NLRP8: variants seen among roughly 807,000 people sequenced by gnomAD.
NLRP8 encodes the protein NLR family pyrin domain containing 8.
NLRP8 carries 86 observed loss-of-function variants against 88.7 expected under a neutral mutation model. The ratio of observed to expected loss-of-function variants is 0.97; its 90% confidence interval spans 0.81 to 1.16. NLRP8 has a LOEUF of 1.16. Ranked by LOEUF, NLRP8 falls within the 50% of genes most tolerant of loss-of-function variation. The pLI is 0.00. For missense variants in NLRP8, 1,342 were observed against 1,286.5 expected, an observed-to-expected ratio of 1.04 and a Z score of -0.66; for synonymous variants, 504 against 494.6, an observed-to-expected ratio of 1.02 and a Z score of -0.25.
intron 3 of NLRP8, 27 bp from the exon 4 acceptor site, chr19:55,962,040 G>C: frequency 6.2e-7 from 1 of 1,606,222 alleles, no homozygotes. Flanking sequence ...ACGAAGAGGT[G>C]TTTTCTCTCT....
intron 3 of NLRP8, among the ~76,000 whole-genome samples, chr19:55,961,417 A>C (rs1214445824): frequency 6.6e-6 from 1 of 152,072 alleles, no homozygotes; most frequent in East Asian, 1.9e-4. Context: ...ATATTTTTTT[A>C]AAAAATAAGA....
In NLRP8 at chr19:55,955,560, A is replaced by T. The variant is rs1979308982; in HGVS notation, c.1502A>T (p.Asp501Val). 1 of 1,614,088 alleles carries T rather than the reference A, an allele frequency of 6.2e-7. No homozygotes were observed. Among genetic ancestry groups the T allele is most frequent in the South Asian group, 1.1e-5 (1 of 91,084 alleles). The change falls in exon 3 of 10, where the codon GAC (aspartate) becomes GTC (valine). Residue 501 changes from aspartate to valine, a missense_variant. Physicochemically the swap from Asp to Val is radical, Grantham distance 152 (BLOSUM62 -3). Transcript: ENST00000291971. ...CTTCGGAGAATTGCAGGTGAGGAAG[A>T]CCACTATGTCTTTACCCTCGTGACT...
intron 4 of NLRP8, 121 bp downstream of exon 4, chr19:55,962,358 G>A: frequency 9.2e-7 from 1 of 1,087,754 alleles, no homozygotes; most frequent in Non-Finnish European, 1.3e-6. Context: ...TCCAGCCTTG[G>A]ACGGAGGTGC....
chr19:55,968,527 G>C (rs980545619), intron 5 of NLRP8, among the ~76,000 whole-genome samples: 2 of 150,030 alleles, frequency 1.3e-5, no homozygotes, highest in African/African-American at 4.9e-5. Flanking sequence ...GATCACCTGA[G>C]GTCAGGAGTT....
chr19:55,950,967 A>G (rs942154454), intron 1 of NLRP8, among the ~76,000 whole-genome samples: 1 of 152,208 alleles, frequency 6.6e-6, no homozygotes, highest in African/African-American at 2.4e-5. Context: ...AGTCCCAGCT[A>G]CTTGGGAAGC....
At chr19:55,968,751 T>TAAATA (rs1019460945) in intron 5 of NLRP8, among the ~76,000 whole-genome samples, 1 of 151,994 alleles carries the variant, frequency 6.6e-6, no homozygotes. Flanking sequence ...AAAAAATAAA[T>TAAATA]AAATAAAATA....
At position 55,970,025 on chromosome 19, in the gene NLRP8, TAGAC is replaced by T. The variant is rs534630156; in HGVS notation, c.2382-516_2382-513del. Among the ~76,000 whole-genome samples, 141 of 152,280 alleles carry T rather than the reference TAGAC, an allele frequency of 9.3e-4. 1 individual carries two copies. Among genetic ancestry groups the T allele is most frequent in the Admixed American group, 2.5e-3 (38 of 15,282 alleles). On this transcript the variant is annotated intron_variant, in intron 5 of 9. Coordinates refer to ENST00000291971, the MANE Select transcript of NLRP8 (RefSeq NM_176811.2). The stretch of plus-strand genomic sequence containing the variant: ...GCAGATAAATGCACAAAGTGTGAGT[TAGAC>T]AGGAGAAATAAGCATTGAGGTCTAT...
At chr19:55,967,702 G>T (rs934216480) in intron 5 of NLRP8, among the ~76,000 whole-genome samples, 1 of 152,112 alleles carries the variant, frequency 6.6e-6, no homozygotes, top group Non-Finnish European at 1.5e-5. Flanking sequence ...CTTTCTTTGG[G>T]GTATATACCA....
In NLRP8 at chr19:55,979,417, C is replaced by T. The variant is rs140399882; in HGVS notation, c.2900C>T (p.Ser967Phe). The change falls in exon 9 of 10, where the codon TCC (serine) becomes TTC (phenylalanine). Residue 967 changes from serine to phenylalanine, a missense_variant. Physicochemically the swap from Ser to Phe is radical, Grantham distance 155. Transcript: ENST00000291971. ...AGGCTGGAAAACTGCCTGTTCACCT[C>T]CATCTGCTGCCAGGCCATGGCTTCC... The T allele has an allele frequency of 4.3e-5, 69 of 1,613,866 alleles. No individual in the cohort carries two copies. The highest frequency in any genetic ancestry group is 5.8e-5 in the Non-Finnish European group (69 of 1,180,026).
At chr19:55,957,668 AATAATTATATATAT>A (rs1568460766) in intron 3 of NLRP8, among the ~76,000 whole-genome samples, 4 of 77,890 alleles carry the variant, frequency 5.1e-5, no homozygotes, top group African/African-American at 3.0e-4. Context: ...AAGAAAAAAT[AATAATTATATATAT>A]ATATATATAT....
intron 3 of NLRP8, 64 bp downstream of exon 3, chr19:55,956,164 G>C: frequency 1.4e-6 from 2 of 1,475,172 alleles, no homozygotes; most frequent in Non-Finnish European, 1.8e-6. Context: ...ATGGTGTCCC[G>C]GGTGTTTAGG....
chr19:55,987,722 A>G (rs1340850137), intron 9 of NLRP8: 6 of 909,942 alleles, frequency 6.6e-6, no homozygotes, highest in Middle Eastern at 2.1e-4. Flanking sequence ...TACGGTCTGT[A>G]GAAAAAGCAT....
chr19:55,985,832 A>G (rs905136519), intron 9 of NLRP8, among the ~76,000 whole-genome samples: 1 of 152,166 alleles, frequency 6.6e-6, no homozygotes, highest in Non-Finnish European at 1.5e-5. Flanking sequence ...TTTGGCCAAC[A>G]TAGTGAAACC....
chr19:55,965,070 G>C (rs971875172), intron 4 of NLRP8, among the ~76,000 whole-genome samples: 2 of 152,110 alleles, frequency 1.3e-5, no homozygotes, highest in African/African-American at 4.8e-5. Flanking sequence ...AGGATCACTT[G>C]AGGCCAGGAG....
intron 7 of NLRP8, 86 bp from the exon 8 acceptor site, chr19:55,976,047 A>G: frequency 7.7e-7 from 1 of 1,294,684 alleles, no homozygotes; most frequent in Non-Finnish European, 1.0e-6. Context: ...AAAGAAGTAA[A>G]ACCTAAGGGT....
At chr19:55,978,432 CTGAGAAGTCCAAGGT>C (rs1980439552) in intron 8 of NLRP8, among the ~76,000 whole-genome samples, 2 of 152,128 alleles carry the variant, frequency 1.3e-5, no homozygotes, top group Admixed American at 1.3e-4. Flanking sequence ...ACTGTGGAGG[CTGAGAAGTCCAAGGT>C]GGAGGGGCTG....
intron 8 of NLRP8, 43 bp from the exon 9 acceptor site, chr19:55,979,351 G>T (rs1339410125): frequency 1.2e-6 from 2 of 1,607,846 alleles, no homozygotes; most frequent in Non-Finnish European, 1.7e-6. Context: ...CAGATGAGTT[G>T]TGATGACTTC....
At chr19:55,976,027 A>T in intron 7 of NLRP8, 106 bp from the exon 8 acceptor site, 2 of 1,126,598 alleles carry the variant, frequency 1.8e-6, no homozygotes, top group South Asian at 3.7e-5. Context: ...TAAAAACAGA[A>T]CCCAAAAACA....
chr19:55,972,969 G>A (rs183424690), intron 6 of NLRP8, among the ~76,000 whole-genome samples: 1 of 151,900 alleles, frequency 6.6e-6, no homozygotes, highest in Non-Finnish European at 1.5e-5. Context: ...TTTTCCTCTG[G>A]GTGAATTCCC....
Sources: gnomAD v4.1 joint callset for allele counts (sites outside exome capture counted in the v4.1 genomes callset) on GRCh38, gnomAD v4.1.1 for gene constraint, MANE v1.5 for transcripts, NCBI Gene and HGNC (gene_info 2026-07-23, HGNC 2026-07-21) for gene names.